Variants in PIBF1 observed in about 807,000 individuals in gnomAD.
The protein encoded by PIBF1 is progesterone immunomodulatory binding factor 1.
Under a neutral mutation model 112.5 loss-of-function variants are expected in PIBF1, and 90 were observed. The observed-to-expected ratio is 0.80, with a 90% CI of 0.67 to 0.95. The LOEUF (loss-of-function observed/expected upper bound fraction) is 0.95. Ranked by LOEUF, PIBF1 falls within the 40% of genes least tolerant of loss-of-function variation. PIBF1 has a pLI of 0.00. For missense variants in PIBF1, 915 were observed against 852.3 expected (o/e 1.07, Z -0.92); for synonymous variants, 301 against 288.6 (o/e 1.04, Z -0.44).
At chr13:72,942,540 A>G (rs1367360114) in intron 14 of PIBF1, among the ~76,000 whole-genome samples, 2 of 152,080 alleles carry the variant, frequency 1.3e-5, no homozygotes, top group African/African-American at 4.8e-5. Flanking sequence ...CATACTCAAA[A>G]CTCAATTGAA....
intron 8 of PIBF1, among the ~76,000 whole-genome samples, chr13:72,833,000 C>T (rs1334596718): frequency 1.3e-5 from 2 of 152,180 alleles, no homozygotes; most frequent in Non-Finnish European, 2.9e-5. Flanking sequence ...TGTCTTCTCT[C>T]CTTATTTCAT....
chr13:72,873,105 A>G (rs929965542), intron 10 of PIBF1, among the ~76,000 whole-genome samples: 3 of 152,206 alleles, frequency 2.0e-5, no homozygotes, highest in East Asian at 1.9e-4. Context: ...TAAAATTTAC[A>G]TGGAAATCGA....
At chr13:72,905,853 G>T (rs1043345438) in intron 11 of PIBF1, among the ~76,000 whole-genome samples, 1 of 152,144 alleles carries the variant, frequency 6.6e-6, no homozygotes, top group Non-Finnish European at 1.5e-5. Flanking sequence ...AAAAAATGTT[G>T]TGGTTCTAAA....
intron 3 of PIBF1, among the ~76,000 whole-genome samples, chr13:72,794,587 C>T (rs547578889): frequency 9.2e-5 from 14 of 152,266 alleles, no homozygotes; most frequent in Middle Eastern, 3.4e-3. Flanking sequence ...CTTTCCCATG[C>T]TGTTCTCATG....
At chr13:72,954,321 C>T (rs1351649712) in intron 14 of PIBF1, among the ~76,000 whole-genome samples, 1 of 152,364 alleles carries the variant, frequency 6.6e-6, no homozygotes, top group Non-Finnish European at 1.5e-5. Flanking sequence ...ATGCCCCTCC[C>T]TATCCACCTG....
Position 72,896,761 on chromosome 13 carries a change from A to G in PIBF1, c.1488+2812A>G, listed in dbSNP as rs543756701. ...CCAAAAAAGACAAAGAAAAAAGAATATGAAAATATGACTAAAGCCTCCAAG... is the reference window on the plus strand; with the variant it reads ...CCAAAAAAGACAAAGAAAAAAGAATGTGAAAATATGACTAAAGCCTCCAAG... On this transcript the variant is annotated intron_variant, in intron 11 of 17. Transcript: ENST00000326291. 2.0e-5 allele frequency among the ~76,000 whole-genome samples: 3 copies of G among 152,322 alleles called. No homozygotes were observed. The South Asian group carries it at 6.2e-4, about 32-fold the overall frequency.
intron 5 of PIBF1, among the ~76,000 whole-genome samples, chr13:72,815,713 T>A (rs1409354149): frequency 6.6e-6 from 1 of 152,182 alleles, no homozygotes; most frequent in Non-Finnish European, 1.5e-5. Context: ...TCATTCAGGC[T>A]GGAGTGCAGT....
intron 11 of PIBF1, among the ~76,000 whole-genome samples, chr13:72,904,997 G>T (rs535254719): frequency 5.9e-5 from 9 of 151,278 alleles, no homozygotes; most frequent in African/African-American, 2.2e-4. Flanking sequence ...ATTTAATATC[G>T]CACAACTAGT....
chr13:72,862,524 C>G (rs2138376756), intron 10 of PIBF1, among the ~76,000 whole-genome samples: 1 of 152,282 alleles, frequency 6.6e-6, no homozygotes, highest in Non-Finnish European at 1.5e-5. Flanking sequence ...TATTAACCAC[C>G]AAGCACCATT....
intron 5 of PIBF1, among the ~76,000 whole-genome samples, chr13:72,803,327 A>C (rs1055247006): frequency 7.2e-5 from 11 of 151,846 alleles, no homozygotes; most frequent in Non-Finnish European, 1.5e-4. Flanking sequence ...TAACCATAAA[A>C]ATTTTCTCAT....
intron 5 of PIBF1, among the ~76,000 whole-genome samples, chr13:72,819,301 G>A (rs758477989): frequency 6.6e-6 from 1 of 152,054 alleles, no homozygotes; most frequent in Admixed American, 6.6e-5. Flanking sequence ...TCTGATCTAA[G>A]ACTAATCTGC....
intron 15 of PIBF1, among the ~76,000 whole-genome samples, chr13:72,971,185 A>AGTGTGTGTGTGTGT (rs771878197): frequency 2.4e-4 from 29 of 120,098 alleles, no homozygotes; most frequent in African/African-American, 7.1e-4. Context: ...ACAGAGAGTG[A>AGTGTGTGTGTGTGT]GTGTGTGTGT....
intron 10 of PIBF1, among the ~76,000 whole-genome samples, chr13:72,893,334 T>G (rs1199288825): frequency 6.6e-6 from 1 of 152,140 alleles, no homozygotes; most frequent in African/African-American, 2.4e-5. Context: ...CTAAGTTTAT[T>G]TTGCAAGTGT....
chr13:72,942,069 C>G (rs1005850241), intron 14 of PIBF1, among the ~76,000 whole-genome samples: 2 of 152,108 alleles, frequency 1.3e-5, no homozygotes, highest in African/African-American at 4.8e-5. Flanking sequence ...TCTTCTGCCT[C>G]TAACAACTGC....
At chr13:72,885,600 T>A (rs1480639816) in intron 10 of PIBF1, among the ~76,000 whole-genome samples, 1 of 152,282 alleles carries the variant, frequency 6.6e-6, no homozygotes, top group African/African-American at 2.4e-5. Context: ...ACAAGATTCC[T>A]GCACTGAAGT....
rs111546631 is a variant in PIBF1, at chr13:72,955,149, A to T, written c.1834-10125A>T. ...TTTAATTATGTTGGACATAACATTT[A>T]TCTTCCATATGAATGGCTGATTCAT... On this transcript the variant is annotated intron_variant, in intron 14 of 17. Coordinates refer to ENST00000326291, the MANE Select transcript of PIBF1 (RefSeq NM_006346.4). 6.9e-3 allele frequency among the ~76,000 whole-genome samples: 1,056 copies of T among 152,354 alleles called. 23 individuals carry two copies. Among genetic ancestry groups the T allele is most frequent in the African/African-American group, 0.024 (992 of 41,582 alleles).
At chr13:72,833,281 A>C (rs1277148594) in intron 8 of PIBF1, among the ~76,000 whole-genome samples, 2 of 151,944 alleles carry the variant, frequency 1.3e-5, no homozygotes, top group Non-Finnish European at 2.9e-5. Context: ...AATTCATGAA[A>C]CTCATTCACC....
At chr13:72,802,638 C>T (rs757961700) in intron 5 of PIBF1, among the ~76,000 whole-genome samples, 2 of 151,926 alleles carry the variant, frequency 1.3e-5, no homozygotes, top group African/African-American at 4.8e-5. Flanking sequence ...TGAATGAGGC[C>T]GACTTGAGTG....
intron 10 of PIBF1, among the ~76,000 whole-genome samples, chr13:72,858,214 G>A (rs185159919): frequency 2.0e-5 from 3 of 152,030 alleles, no homozygotes; most frequent in African/African-American, 4.8e-5. Flanking sequence ...ACCACACCCG[G>A]CTAATTTATG....
Sources: allele counts gnomAD v4.1 joint callset (sites outside exome capture counted in the v4.1 genomes callset), GRCh38; gene constraint gnomAD v4.1.1; transcripts MANE v1.5; gene names NCBI Gene and HGNC (gene_info 2026-07-23, HGNC 2026-07-21).